PTMA: variants seen among roughly 807,000 people sequenced by gnomAD.
PTMA encodes the protein prothymosin alpha.
In PTMA, 4 loss-of-function variants were observed where a neutral mutation model predicts 16.9. The ratio of observed to expected loss-of-function variants is 0.24; its 90% confidence interval spans 0.12 to 0.54. The LOEUF (loss-of-function observed/expected upper bound fraction) is 0.54. PTMA is among the 20% of genes least tolerant of loss of function. The pLI, the probability that PTMA is intolerant of heterozygous loss-of-function variation, is 0.95. For synonymous variants in PTMA, 58 were observed against 47.9 expected, an observed-to-expected ratio of 1.21 and a Z score of -0.87; for missense variants, 120 against 137.7, an observed-to-expected ratio of 0.87 and a Z score of 0.64.
At chr2:231,710,556 G>A in intron 1 of PTMA, 1 of 608,238 alleles carries the variant, frequency 1.6e-6, no homozygotes, top group Non-Finnish European at 2.8e-6. Context: ...CGGCCGAGGG[G>A]TTCCCGCAGG....
In PTMA at chr2:231,708,621, G is replaced by C. The variant is rs903277053; in HGVS notation, c.-86G>C. On this transcript the variant is annotated 5_prime_UTR_variant, in exon 1 of 5. Coordinates refer to ENST00000409115, the MANE Select transcript of PTMA (RefSeq NM_002823.5). ...TCCGCCGCGCGCCTCCTCCGCCGCCGCGGACTCCGGCAGCTTTATCGCCAG... is the reference window on the plus strand; with the variant it reads ...TCCGCCGCGCGCCTCCTCCGCCGCCCCGGACTCCGGCAGCTTTATCGCCAG... 15 of 1,562,792 alleles carry C rather than the reference G, an allele frequency of 9.6e-6. No individual in the cohort carries two copies. Among genetic ancestry groups the C allele is most frequent in the African/African-American group, 1.3e-5 (1 of 74,074 alleles).
chr2:231,708,821 AGCTGGACTGTCTCAAGCCC>A (rs1041342796), intron 1 of PTMA, 70 bp downstream of exon 1: 8 of 1,543,946 alleles, frequency 5.2e-6, no homozygotes, highest in Non-Finnish European at 7.0e-6. Context: ...GGCGCGCAGC[AGCTGGACTGTCTCAAGCCC>A]GCTGTTGCTC....
At chr2:231,711,079 A>G (rs967256579) in intron 1 of PTMA, 3 of 328,548 alleles carry the variant, frequency 9.1e-6, no homozygotes, top group Non-Finnish European at 1.7e-5. Flanking sequence ...TTTTCCTGGG[A>G]AGCGCCAGGG....
chr2:231,710,352 C>A (rs1444077191), intron 1 of PTMA: 4 of 1,208,956 alleles, frequency 3.3e-6, no homozygotes, highest in African/African-American at 1.6e-5. Flanking sequence ...GCGCGCGGTG[C>A]GTGCCGAGGC....
chr2:231,710,540 G>A, intron 1 of PTMA: 3 of 703,950 alleles, frequency 4.3e-6, no homozygotes, highest in Non-Finnish European at 6.7e-6. Context: ...GCCGCTCGCC[G>A]GACAGCGGCC....
intron 1 of PTMA, among the ~76,000 whole-genome samples, chr2:231,710,882 G>T (rs1440089341): frequency 1.3e-5 from 2 of 152,246 alleles, no homozygotes; most frequent in Non-Finnish European, 2.9e-5. Flanking sequence ...TGGCGCGCCT[G>T]TGGGGCTCTC....
chr2:231,712,561 C>T (rs1439283384), intron 4 of PTMA, 45 bp downstream of exon 4: 4 of 1,587,676 alleles, frequency 2.5e-6, no homozygotes, highest in African/African-American at 1.3e-5. Context: ...ATCTGGGTCT[C>T]CCCACCTGCC....
chr2:231,710,173 C>T (rs945555150), intron 1 of PTMA: 3 of 1,286,664 alleles, frequency 2.3e-6, no homozygotes, highest in African/African-American at 1.5e-5. Context: ...GGACTTGGCC[C>T]GCCGAATGCA....
intron 1 of PTMA, chr2:231,710,332 C>A: frequency 8.2e-7 from 1 of 1,226,644 alleles, no homozygotes; most frequent in Non-Finnish European, 1.0e-6. Flanking sequence ...CCCCGGGCCA[C>A]GTGCTCCCTG....
chr2:231,710,147 G>T, intron 1 of PTMA: 1 of 1,258,128 alleles, frequency 7.9e-7, no homozygotes, highest in Non-Finnish European at 1.0e-6. Context: ...GGTGGACTTT[G>T]GGGCGACCTC....
rs73086827 is a variant in PTMA at position 231,709,948 on chromosome 2, C to T, written c.45+1197C>T. On this transcript the variant is annotated intron_variant, in intron 1 of 4. Coordinates refer to ENST00000409115, the MANE Select transcript of PTMA (RefSeq NM_002823.5). Reference sequence around the variant, plus strand: ...GCAGAGCGGAGCTCGGGGCCCGGATCTCCACAGGGGCTCTCAGTGACCCCT... The same window carrying T: ...GCAGAGCGGAGCTCGGGGCCCGGATTTCCACAGGGGCTCTCAGTGACCCCT... 1,776 of 702,150 alleles carry T rather than the reference C, an allele frequency of 2.5e-3. 20 individuals are homozygous for T. In the African/African-American group the frequency reaches 0.026, roughly 10 times the overall value. 43.5% of individuals were successfully genotyped at this position (702,150 alleles called of 1,614,324 possible). A position where few individuals can be genotyped will look rare whatever the true frequency, so the allele number is the denominator to read the frequency against.
intron 1 of PTMA, among the ~76,000 whole-genome samples, chr2:231,709,129 T>C (rs1235949902): frequency 6.6e-6 from 1 of 151,914 alleles, no homozygotes; most frequent in African/African-American, 2.4e-5. Context: ...TCAAGCGCGT[T>C]GGGAATCGGA....
intron 3 of PTMA, 33 bp downstream of exon 3, chr2:231,712,016 G>T (rs1245974724): frequency 6.4e-7 from 1 of 1,552,046 alleles, no homozygotes; most frequent in African/African-American, 1.4e-5. Context: ...CCCTTTTCAG[G>T]TACTTTTTCC....
intron 2 of PTMA, 93 bp downstream of exon 2, chr2:231,711,512 T>C (rs2048518493): frequency 8.5e-7 from 1 of 1,183,258 alleles, no homozygotes; most frequent in African/African-American, 1.5e-5. Flanking sequence ...TGTGTGTGTA[T>C]GTGTATATGT....
chr2:231,711,259 C>A, intron 1 of PTMA, 89 bp from the exon 2 acceptor site: 1 of 1,035,198 alleles, frequency 9.7e-7, no homozygotes, highest in Non-Finnish European at 1.5e-6. Context: ...GACAGAACAG[C>A]CGTACAGACC....
At chr2:231,709,336 G>A (rs867714071) in intron 1 of PTMA, among the ~76,000 whole-genome samples, 1 of 152,102 alleles carries the variant, frequency 6.6e-6, no homozygotes, top group African/African-American at 2.4e-5. Flanking sequence ...CGGCCGTCCC[G>A]GCGGAGGTGT....
intron 1 of PTMA, chr2:231,710,238 C>A: frequency 7.5e-7 from 1 of 1,336,822 alleles, no homozygotes; most frequent in African/African-American, 1.5e-5. Flanking sequence ...AGAGCCCGGC[C>A]GACCGACGCG....
At chr2:231,710,473 G>T (rs1410473927) in intron 1 of PTMA, 2 of 1,084,182 alleles carry the variant, frequency 1.8e-6, no homozygotes, top group Non-Finnish European at 2.3e-6. Context: ...GGCGGAGCCG[G>T]GGTCCGCGGA....
At chr2:231,709,868 CCTT>C (rs1004677778) in intron 1 of PTMA, 3 of 276,610 alleles carry the variant, frequency 1.1e-5, no homozygotes, top group African/African-American at 6.6e-5. Context: ...CTTGGCGTCT[CCTT>C]AACCCTTGTG....
Sources: allele counts gnomAD v4.1 joint callset (sites outside exome capture counted in the v4.1 genomes callset), GRCh38; gene constraint gnomAD v4.1.1; transcripts MANE v1.5; gene names NCBI Gene and HGNC (gene_info 2026-07-23, HGNC 2026-07-21).